The following AP3D1 variants were observed in gnomAD, a reference collection of about 807,000 sequenced individuals.
AP3D1 encodes AP-3 complex subunit delta-1.
In AP3D1, 51 loss-of-function variants were observed where a neutral mutation model predicts 147.6. That is an observed-to-expected ratio of 0.35 (90% CI 0.28 to 0.44). The LOEUF is 0.44. Ranked by LOEUF, AP3D1 falls within the 20% of genes least tolerant of loss-of-function variation. AP3D1 has a pLI of 1.00. For missense variants in AP3D1, 1,421 were observed against 1,624.2 expected (o/e 0.87, Z 2.15); for synonymous variants, 760 against 663.0 (o/e 1.15, Z -2.25).
chr19:2,129,713 G>A (rs773141197), intron 6 of AP3D1, among the ~76,000 whole-genome samples: 11 of 152,198 alleles, frequency 7.2e-5, no homozygotes, highest in East Asian at 1.9e-4. Flanking sequence ...GCGCACAAGC[G>A]TCACCAAGCT....
intron 6 of AP3D1, among the ~76,000 whole-genome samples, chr19:2,130,160 TAC>T (rs1343774657): frequency 3.3e-5 from 5 of 151,958 alleles, no homozygotes; most frequent in African/African-American, 1.2e-4. Flanking sequence ...CGGGGGTGGG[TAC>T]ACCTCTGCTC....
intron 12 of AP3D1, among the ~76,000 whole-genome samples, 178 bp from the exon 13 acceptor site, chr19:2,121,489 C>G (rs2018610350): frequency 6.6e-6 from 1 of 152,188 alleles, no homozygotes; most frequent in Non-Finnish European, 1.5e-5. Flanking sequence ...AGGCACACGA[C>G]CCCAGCCAGG....
Position 2,110,191 on chromosome 19 carries a change from A to G in AP3D1, c.3209T>C (p.Ile1070Thr). 1 of 1,612,704 alleles carries G rather than the reference A, an allele frequency of 6.2e-7. No individual in the cohort carries two copies. Among genetic ancestry groups the G allele is most frequent in the Non-Finnish European group, 8.5e-7 (1 of 1,179,952 alleles). Residue 1070 changes from isoleucine (I) to threonine (T), a missense_variant, in exon 28 of 32, where the codon ATC (isoleucine) becomes ACC (threonine). Around this residue, in one of 6 missense-constraint regions of AP3D1, gnomAD observed 791 missense variants for 761.4 expected, o/e 1.04. Coordinates refer to ENST00000643116, the MANE Select transcript of AP3D1 (RefSeq NM_001261826.3). ...VSNEAQYVFT[I>T]QSIVMAQKLK... ...CTTCTGCGCCATGACGATGCTCTGG[A>G]TGGTGAACACATACTGGGCTTCGTT...
chr19:2,110,826 C>T lies in AP3D1; in HGVS notation c.3056G>A (p.Ser1019Asn). 6.2e-7 allele frequency: 1 copy of T among 1,613,682 alleles called. No individual in the cohort carries two copies. Among genetic ancestry groups the T allele is most frequent in the South Asian group, 1.1e-5 (1 of 91,078 alleles). ...VTVAIVLENRSSSILKGMELS... is the reference protein window; with the variant it reads ...VTVAIVLENRNSSILKGMELS... ...CTCCATGCCCTTGAGGATGCTGCTG[C>T]TCCTGTTCTCCAGCACGATGGCCAC... is the stretch of plus-strand genomic sequence containing the variant. Residue 1019 changes from serine to asparagine, a missense_variant, in exon 27 of 32, where the codon AGC becomes AAC. Ser to Asn is a conservative substitution (Grantham distance 46). Around this residue, in one of 6 missense-constraint regions of AP3D1, gnomAD observed 791 missense variants for 761.4 expected, o/e 1.04. Coordinates refer to ENST00000643116, the MANE Select transcript of AP3D1 (RefSeq NM_001261826.3).
chr19:2,138,753 G>A, intron 1 of AP3D1, 39 bp from the exon 2 acceptor site: 1 of 1,426,016 alleles, frequency 7.0e-7, no homozygotes, highest in Non-Finnish European at 9.8e-7. Flanking sequence ...CAAACATCCA[G>A]CTAAGAGGGC....
At chr19:2,125,320 T>C (rs1368278753) in intron 9 of AP3D1, among the ~76,000 whole-genome samples, 3 of 152,134 alleles carry the variant, frequency 2.0e-5, no homozygotes, top group African/African-American at 7.2e-5. Flanking sequence ...TGTTTTGTTT[T>C]GTTTCGTTTT....
upstream of AP3D1, among the ~76,000 whole-genome samples, chr19:2,151,870 G>A (rs1568312393): frequency 6.6e-6 from 1 of 152,238 alleles, no homozygotes; most frequent in African/African-American, 2.4e-5. Context: ...GTGTGAGCGT[G>A]GCTGGATGTG....
At chr19:2,157,887 T>C (rs1169262330) in intron 1 of AP3D1, among the ~76,000 whole-genome samples, 3 of 152,190 alleles carry the variant, frequency 2.0e-5, no homozygotes, top group African/African-American at 4.8e-5. Flanking sequence ...AAGTTTGTCA[T>C]GTGGAGGAGC....
Position 2,138,616 on chromosome 19 carries a change from T to C in AP3D1, c.192+3A>G, listed in dbSNP as rs773738974. ...TGGGCGCTGGCCACTGGGAGGCACT[T>C]ACATACGTCAGCTTGCAGACCGCGT... is the stretch of plus-strand genomic sequence containing the variant. On this transcript the variant is annotated splice_donor_region_variant and intron_variant, in intron 2 of 31. Coordinates refer to ENST00000643116, the MANE Select transcript of AP3D1 (RefSeq NM_001261826.3). 30 of 1,613,296 alleles carry C rather than the reference T, an allele frequency of 1.9e-5. No individual in the cohort carries two copies. The highest frequency in any genetic ancestry group is 2.5e-5 in the Non-Finnish European group (29 of 1,179,630).
At chr19:2,110,353 G>A in intron 27 of AP3D1, 129 bp from the exon 28 acceptor site, 1 of 790,484 alleles carries the variant, frequency 1.3e-6, no homozygotes, top group Non-Finnish European at 2.1e-6. Context: ...CCCCAAGGGA[G>A]CACCAGGGGA....
chr19:2,140,993 A>C (rs2019205502), intron 1 of AP3D1, among the ~76,000 whole-genome samples: 1 of 152,026 alleles, frequency 6.6e-6, no homozygotes, highest in Admixed American at 6.6e-5. Flanking sequence ...TCCTGACCTC[A>C]GGTGATCTGC....
At chr19:2,119,955 C>T (rs957993799) in intron 14 of AP3D1, among the ~76,000 whole-genome samples, 1 of 151,868 alleles carries the variant, frequency 6.6e-6, no homozygotes, top group East Asian at 1.9e-4. Flanking sequence ...TGTCTCGGGG[C>T]GAGGGGAAAA....
At chr19:2,116,513 C>T in intron 17 of AP3D1, 92 bp downstream of exon 17, 2 of 1,443,410 alleles carry the variant, frequency 1.4e-6, no homozygotes, top group Non-Finnish European at 1.8e-6. Flanking sequence ...AGGGTCAGGG[C>T]CAGGACCCAC....
Position 2,115,525 on chromosome 19 carries a change from C to T in AP3D1, c.2149+13G>A, listed in dbSNP as rs371282391. On this transcript the variant is annotated intron_variant, in intron 19 of 31. Transcript: ENST00000643116. ...TGTGACAAATGCGGCGCCGACACAC[C>T]GGAGACACTTGCCTGGAACCTTCAA... 33 of 1,612,620 alleles carry T rather than the reference C, an allele frequency of 2.0e-5. No homozygotes were observed. In the East Asian group the frequency reaches 3.3e-4, roughly 16 times the overall value.
chr19:2,156,715 G>A (rs984203587), intron 1 of AP3D1, among the ~76,000 whole-genome samples: 2 of 152,148 alleles, frequency 1.3e-5, no homozygotes, highest in Admixed American at 1.3e-4. Flanking sequence ...CAGGCTTGGT[G>A]GCGGGTGCCT....
chr19:2,133,120 C>T (rs927645184), intron 4 of AP3D1, among the ~76,000 whole-genome samples: 1 of 152,278 alleles, frequency 6.6e-6, no homozygotes, highest in Non-Finnish European at 1.5e-5. Context: ...GCAGAGACGG[C>T]GGTGCTGGGC....
In AP3D1 at chr19:2,109,115, G is replaced by C. The variant is rs756651834; in HGVS notation, c.3443C>G (p.Ala1148Gly). The part of the protein sequence containing the change: ...GIRMSFQNLL[A>G]KICFHHHFSV... Reference sequence around the variant, plus strand: ...AAAATGGTGGTGAAAACAGATCTTCGCCAGAAGATTCTGGAAGGACATCCG... The same window carrying C: ...AAAATGGTGGTGAAAACAGATCTTCCCCAGAAGATTCTGGAAGGACATCCG... The change falls in exon 30 of 32, where the codon GCG becomes GGG. Residue 1148 changes from alanine to glycine, a missense_variant. Around this residue, in one of 6 missense-constraint regions of AP3D1, gnomAD observed 791 missense variants for 761.4 expected, o/e 1.04. Coordinates refer to ENST00000643116, the MANE Select transcript of AP3D1 (RefSeq NM_001261826.3). 1.2e-6 allele frequency: 2 copies of C among 1,609,270 alleles called. No individual in the cohort carries two copies. Among genetic ancestry groups the C allele is most frequent in the Non-Finnish European group, 1.7e-6 (2 of 1,178,654 alleles).
At chr19:2,102,355 A>G in intron 31 of AP3D1, 87 bp from the exon 32 acceptor site, 1 of 1,188,874 alleles carries the variant, frequency 8.4e-7, no homozygotes, top group Non-Finnish European at 1.2e-6. Context: ...GCATTTTGGG[A>G]GGCCAAGGTG....
At chr19:2,152,706 T>A (rs911716922), upstream of AP3D1, among the ~76,000 whole-genome samples, 2 of 151,228 alleles carry the variant, frequency 1.3e-5, no homozygotes, top group African/African-American at 2.4e-5. Context: ...TGAAACCCCA[T>A]CTCTACTAAA....
Sources: allele counts gnomAD v4.1 joint callset (sites outside exome capture counted in the v4.1 genomes callset), GRCh38; gene constraint gnomAD v4.1.1; regional missense constraint gnomAD v4.1.1; transcripts MANE v1.5; gene names NCBI Gene and HGNC (gene_info 2026-07-23, HGNC 2026-07-21).